Variants in ATP8B1 observed in about 807,000 individuals in gnomAD.
The protein encoded by ATP8B1 is ATPase phospholipid transporting 8B1.
A neutral mutation model predicts 149.9 loss-of-function variants in ATP8B1; 80 were observed. The observed-to-expected ratio is 0.53, with a 90% CI of 0.45 to 0.64. ATP8B1 has a LOEUF of 0.64. Among genes scored for constraint, ATP8B1 ranks in the 30% least tolerant of loss-of-function variants. The pLI is 0.00. For missense variants in ATP8B1, 1,247 were observed against 1,552.6 expected (o/e 0.80, Z 3.31); for synonymous variants, 536 against 562.8 (o/e 0.95, Z 0.67).
intron 16 of ATP8B1, among the ~76,000 whole-genome samples, chr18:57,672,980 CAT>C (rs1467657616): frequency 2.8e-4 from 12 of 42,394 alleles, no homozygotes; most frequent in Non-Finnish European, 3.9e-4. Context: ...TATATACACA[CAT>C]ATATAAATAC....
Position 57,701,067 on chromosome 18 carries a change from T to C in ATP8B1, c.526A>G (p.Arg176Gly). The change falls in exon 6 of 28, where the codon AGG becomes GGG. Residue 176 changes from arginine to glycine, a missense_variant. Physicochemically the swap from Arg to Gly is moderately radical, Grantham distance 125. Coordinates refer to ENST00000648908, the MANE Select transcript of ATP8B1 (RefSeq NM_001374385.1). The part of the protein sequence containing the change: ...RHKMDKEINN[R>G]TCEVIKDGRF... ...CCATCCTTAATGACTTCACACGTCC[T>C]ATTGTTGATTTCCTTATCCATTTTA... 1 of 1,614,230 alleles carries C rather than the reference T, an allele frequency of 6.2e-7. No homozygotes were observed. Among genetic ancestry groups the C allele is most frequent in the South Asian group, 1.1e-5 (1 of 91,092 alleles).
In ATP8B1 at chr18:57,701,200, A is replaced by G; in HGVS notation, c.492+15T>C. 6.2e-7 allele frequency: 1 copy of G among 1,613,668 alleles called. No homozygotes were observed. The highest frequency in any genetic ancestry group is 8.5e-7 in the Non-Finnish European group (1 of 1,179,530). ...CTCAAAGCAATGAGTAGAACGTTGT[A>G]TGAGAAATCCTCACCACATCGTCCA... On this transcript the variant is annotated intron_variant, in intron 5 of 27. Transcript: ENST00000648908.
intron 6 of ATP8B1, 129 bp downstream of exon 6, chr18:57,700,910 C>T: frequency 9.6e-7 from 1 of 1,041,690 alleles, no homozygotes; most frequent in Middle Eastern, 3.0e-4. Context: ...GAGCGAGACT[C>T]TATCTCGAAA....
At chr18:57,731,367 A>C (rs1235212429) in intron 2 of ATP8B1, 2 of 136,118 alleles carry the variant, frequency 1.5e-5, no homozygotes, top group East Asian at 1.4e-4. Flanking sequence ...ATATATATAT[A>C]TATATATACA....
intron 18 of ATP8B1, 138 bp from the exon 19 acceptor site, chr18:57,668,678 G>A (rs1360966996): frequency 1.6e-6 from 1 of 609,634 alleles, no homozygotes; most frequent in African/African-American, 1.9e-5. Context: ...CCAATGGCCA[G>A]TGTTAACAGG....
intron 2 of ATP8B1, among the ~76,000 whole-genome samples, chr18:57,729,869 T>C (rs1291656170): frequency 6.6e-6 from 1 of 152,110 alleles, no homozygotes; most frequent in Non-Finnish European, 1.5e-5. Flanking sequence ...CACTTTAATT[T>C]TGGTCAAGTA....
chr18:57,741,600 G>A (rs1012257894), intron 1 of ATP8B1, among the ~76,000 whole-genome samples: 1 of 152,212 alleles, frequency 6.6e-6, no homozygotes, highest in Non-Finnish European at 1.5e-5. Context: ...GTTAAGCTGT[G>A]CTCAGACACT....
At chr18:57,670,833 A>C (rs896261926) in intron 17 of ATP8B1, among the ~76,000 whole-genome samples, 5 of 151,508 alleles carry the variant, frequency 3.3e-5, no homozygotes, top group Admixed American at 1.3e-4. Flanking sequence ...CAGCTTCCCA[A>C]GTAGCTGGGA....
intron 2 of ATP8B1, among the ~76,000 whole-genome samples, chr18:57,715,224 C>T (rs2079572928): frequency 6.6e-6 from 1 of 152,060 alleles, no homozygotes; most frequent in Non-Finnish European, 1.5e-5. Flanking sequence ...AACCGACATA[C>T]TGAAGAATGC....
intron 1 of ATP8B1, among the ~76,000 whole-genome samples, chr18:57,738,345 C>T (rs575376645): frequency 2.0e-5 from 3 of 152,300 alleles, no homozygotes; most frequent in Non-Finnish European, 2.9e-5. Flanking sequence ...GGAAACAGAC[C>T]GGATGCGGTG....
At chr18:57,748,531 C>T (rs2079986931) in intron 1 of ATP8B1, among the ~76,000 whole-genome samples, 1 of 152,186 alleles carries the variant, frequency 6.6e-6, no homozygotes, top group Non-Finnish European at 1.5e-5. Context: ...GTTACAGCAG[C>T]CCCAGCTAAC....
chr18:57,664,010 C>A (rs558620065), intron 20 of ATP8B1, among the ~76,000 whole-genome samples: 2 of 151,520 alleles, frequency 1.3e-5, no homozygotes, highest in African/African-American at 4.8e-5. Context: ...CATGATCCAC[C>A]CGCCTCAGCC....
chr18:57,654,530 G>A lies in ATP8B1; in HGVS notation c.2932-455C>T, dbSNP rs1353430837. On this transcript the variant is annotated intron_variant, in intron 23 of 27. Coordinates refer to ENST00000648908, the MANE Select transcript of ATP8B1 (RefSeq NM_001374385.1). ...GACGGGGTTTCACCATGTTGGCCAG[G>A]TTGGTCTCCAACTCTTGACCTCAGG... is the stretch of plus-strand genomic sequence containing the variant. 2.6e-5 allele frequency among the ~76,000 whole-genome samples: 4 copies of A among 151,630 alleles called. No individual in the cohort carries two copies. In the South Asian group the frequency reaches 6.3e-4, roughly 24 times the overall value.
intron 2 of ATP8B1, among the ~76,000 whole-genome samples, chr18:57,720,144 G>GA (rs1229396217): frequency 6.7e-6 from 1 of 150,346 alleles, no homozygotes; most frequent in African/African-American, 2.5e-5. Flanking sequence ...CAAAGATGGG[G>GA]AAAAAACAGA....
At chr18:57,727,011 C>T (rs993690606) in intron 2 of ATP8B1, among the ~76,000 whole-genome samples, 35 of 151,960 alleles carry the variant, frequency 2.3e-4, no homozygotes, top group African/African-American at 8.5e-4. Context: ...ACCCGGGAGG[C>T]GGAGGTTGCA....
chr18:57,661,128 CCT>C (rs747209505), intron 22 of ATP8B1, 44 bp downstream of exon 22: 7 of 1,607,026 alleles, frequency 4.4e-6, no homozygotes, highest in South Asian at 1.1e-5. Flanking sequence ...AGCCATTTCT[CCT>C]CTCTAGCACG....
intron 1 of ATP8B1, among the ~76,000 whole-genome samples, chr18:57,736,306 G>A (rs1381291877): frequency 6.6e-6 from 1 of 152,210 alleles, no homozygotes; most frequent in African/African-American, 2.4e-5. Context: ...TTGCTGAGTA[G>A]AAGCTTTTTA....
chr18:57,700,579 T>C (rs1913068211), intron 6 of ATP8B1, among the ~76,000 whole-genome samples: 1 of 152,230 alleles, frequency 6.6e-6, no homozygotes, highest in African/African-American at 2.4e-5. Flanking sequence ...TATCTATTTT[T>C]ATCACTATCC....
At chr18:57,747,668 A>T (rs996464942) in intron 1 of ATP8B1, among the ~76,000 whole-genome samples, 23 of 152,202 alleles carry the variant, frequency 1.5e-4, no homozygotes, top group African/African-American at 5.5e-4. Context: ...CACATTAAGT[A>T]TGATTAGGGC....
Sources: allele counts gnomAD v4.1 joint callset (sites outside exome capture counted in the v4.1 genomes callset), GRCh38; gene constraint gnomAD v4.1.1; transcripts MANE v1.5; gene names NCBI Gene and HGNC (gene_info 2026-07-23, HGNC 2026-07-21).